The following RORA variants were observed in gnomAD, a reference collection of about 807,000 sequenced individuals.
RORA encodes nuclear receptor ROR-alpha.
In RORA, 7 loss-of-function variants were observed where a neutral mutation model predicts 69.5. The ratio of observed to expected loss-of-function variants is 0.10; its 90% CI spans 0.06 to 0.19. The LOEUF (loss-of-function observed/expected upper bound fraction) is 0.19. Among genes scored for constraint, RORA ranks in the 10% least tolerant of loss-of-function variants. The probability of loss-of-function intolerance (pLI) is 1.00; values close to 1 mark genes in which losing one functional copy is unlikely to be tolerated. For synonymous variants in RORA, 261 were observed against 240.8 expected (o/e 1.08, Z -0.78); for missense variants, 457 against 663.0 (o/e 0.69, Z 3.41).
At chr15:61,077,887 C>T (rs62005641) in intron 1 of RORA, among the ~76,000 whole-genome samples, 23,627 of 152,106 alleles carry the variant, frequency 0.16, 2,376 homozygotes, top group East Asian at 0.31. Context: ...GAATATTCTA[C>T]TTCTTCTGTA....
chr15:61,225,544 G>A (rs11855829), intron 1 of RORA, among the ~76,000 whole-genome samples: 2 of 152,180 alleles, frequency 1.3e-5, no homozygotes, highest in South Asian at 2.1e-4. Flanking sequence ...CAGGGGGTTC[G>A]ATCTCAACCC....
At chr15:60,776,961 T>C (rs2072176177) in intron 1 of RORA, among the ~76,000 whole-genome samples, 1 of 152,232 alleles carries the variant, frequency 6.6e-6, no homozygotes, top group African/African-American at 2.4e-5. Flanking sequence ...TGCAGAAATA[T>C]ATGCTCCTCC....
chr15:60,884,313 A>G (rs2140451016), intron 1 of RORA, among the ~76,000 whole-genome samples: 1 of 150,792 alleles, frequency 6.6e-6, no homozygotes, highest in Middle Eastern at 3.4e-3. Flanking sequence ...CATGAATATG[A>G]TTCTCACATC....
At chr15:60,516,162 T>TAA (rs1491315419) in intron 3 of RORA, among the ~76,000 whole-genome samples, 3 of 28,938 alleles carry the variant, frequency 1.0e-4, no homozygotes, top group African/African-American at 1.6e-4. Context: ...TATATATATT[T>TAA]ATATATATAT....
chr15:60,633,925 G>A (rs906279955), intron 2 of RORA, among the ~76,000 whole-genome samples: 9 of 152,194 alleles, frequency 5.9e-5, no homozygotes, highest in Admixed American at 5.9e-4. Flanking sequence ...ATATGCTGCA[G>A]AGAGATGCAA....
At chr15:60,678,635 A>AG (rs760674205) in intron 2 of RORA, 22 bp downstream of exon 2, 1 of 1,596,116 alleles carries the variant, frequency 6.3e-7, no homozygotes, top group Non-Finnish European at 8.6e-7. Flanking sequence ...AACTTTGGAC[A>AG]GAAAAAAAAT....
Position 60,497,433 on chromosome 15 carries a change from A to G in RORA, c.*22T>C. On this transcript the variant is annotated 3_prime_UTR_variant, in exon 11 of 11. Transcript: ENST00000335670. ...TTCATGTTTGTACTTCAGACATTCT[A>G]GAAGTGCTTAGGTGATAACATTTAC... The G allele has an allele frequency of 6.2e-7, 1 of 1,608,216 alleles. No homozygotes were observed. The highest frequency in any genetic ancestry group is 2.2e-5 in the East Asian group (1 of 44,850).
At chr15:61,198,937 C>A (rs576346758) in intron 1 of RORA, among the ~76,000 whole-genome samples, 1 of 152,190 alleles carries the variant, frequency 6.6e-6, no homozygotes, top group South Asian at 2.1e-4. Context: ...AGCCTTCCTG[C>A]CTTTGCTGAG....
intron 1 of RORA, among the ~76,000 whole-genome samples, chr15:61,098,168 T>TC (rs1451077813): frequency 4.4e-5 from 3 of 68,890 alleles, no homozygotes; most frequent in Admixed American, 1.6e-4. Context: ...TTCCTTCCTT[T>TC]CCCCCTTCCC....
intron 1 of RORA, among the ~76,000 whole-genome samples, chr15:61,156,451 T>C (rs550468361): frequency 1.3e-5 from 2 of 152,226 alleles, no homozygotes; most frequent in African/African-American, 4.8e-5. Flanking sequence ...AGTCATAAAA[T>C]AGCTCCTGGA....
intron 1 of RORA, among the ~76,000 whole-genome samples, chr15:61,205,796 G>A (rs1429646683): frequency 6.6e-6 from 1 of 152,164 alleles, no homozygotes. Flanking sequence ...TCCACACATG[G>A]AGAAGGGCAC....
chr15:60,524,228 G>C (rs1487580634), intron 3 of RORA, among the ~76,000 whole-genome samples: 1 of 152,108 alleles, frequency 6.6e-6, no homozygotes, highest in Admixed American at 6.5e-5. Context: ...CACTTCTTGA[G>C]TTGGTTATTA....
chr15:60,817,006 T>C (rs2072827239), intron 1 of RORA, among the ~76,000 whole-genome samples: 1 of 152,224 alleles, frequency 6.6e-6, no homozygotes, highest in African/African-American at 2.4e-5. Context: ...AAAAAAGTTT[T>C]ATATTTCATT....
chr15:60,660,396 T>TA, intron 2 of RORA, among the ~76,000 whole-genome samples: 1 of 152,320 alleles, frequency 6.6e-6, no homozygotes, highest in Non-Finnish European at 1.5e-5. Context: ...TGCTAAATCT[T>TA]ACACCATTCC....
intron 3 of RORA, chr15:60,519,987 T>C (rs2066108454): frequency 6.6e-6 from 1 of 152,212 alleles, no homozygotes; most frequent in African/African-American, 2.4e-5. Flanking sequence ...CTCGAACCAA[T>C]GTCCAGCTTC....
intron 1 of RORA, among the ~76,000 whole-genome samples, chr15:60,910,032 G>A (rs1362100169): frequency 1.3e-5 from 2 of 152,064 alleles, no homozygotes; most frequent in African/African-American, 4.8e-5. Flanking sequence ...AGTTGCAAAG[G>A]GGAAAAATAA....
chr15:61,143,802 A>C (rs1433972011), intron 1 of RORA, among the ~76,000 whole-genome samples: 1 of 152,228 alleles, frequency 6.6e-6, no homozygotes. Flanking sequence ...GTAAAAAATA[A>C]AGATCTTAGC....
intron 1 of RORA, among the ~76,000 whole-genome samples, chr15:60,928,177 G>A (rs1043657361): frequency 6.6e-6 from 1 of 152,036 alleles, no homozygotes; most frequent in Non-Finnish European, 1.5e-5. Context: ...TAGACTCCAG[G>A]ACAAAATTCA....
chr15:60,768,257 C>T (rs1195205056), intron 1 of RORA, among the ~76,000 whole-genome samples: 1 of 152,212 alleles, frequency 6.6e-6, no homozygotes. Flanking sequence ...CATCAAGCAA[C>T]TTCAAATTTG....
Sources: allele counts gnomAD v4.1 joint callset (sites outside exome capture counted in the v4.1 genomes callset), GRCh38; gene constraint gnomAD v4.1.1; transcripts MANE v1.5; gene names NCBI Gene and HGNC (gene_info 2026-07-23, HGNC 2026-07-21).